The following DUSP16 variants were observed in gnomAD, a reference collection of about 807,000 sequenced individuals.
The protein encoded by DUSP16 is dual specificity protein phosphatase 16.
Under a neutral mutation model 58.3 loss-of-function variants are expected in DUSP16, and 21 were observed. That is an observed-to-expected ratio of 0.36 (90% CI 0.26 to 0.52). DUSP16 has a LOEUF of 0.52. Among genes scored for constraint, DUSP16 ranks in the 20% least tolerant of loss-of-function variants. The probability of loss-of-function intolerance (pLI) is 0.94; values close to 1 mark genes in which losing one functional copy is unlikely to be tolerated. For synonymous variants in DUSP16, 320 were observed against 323.8 expected (o/e 0.99, Z 0.12); for missense variants, 726 against 819.0 (o/e 0.89, Z 1.39).
At chr12:12,529,801 CTTGT>C (rs1388958848) in intron 1 of DUSP16, among the ~76,000 whole-genome samples, 3 of 152,308 alleles carry the variant, frequency 2.0e-5, no homozygotes, top group East Asian at 1.9e-4. Flanking sequence ...CTTCCTGTGT[CTTGT>C]TTATTTCACT....
At chr12:12,516,431 A>G in intron 3 of DUSP16, among the ~76,000 whole-genome samples, 1 of 152,264 alleles carries the variant, frequency 6.6e-6, no homozygotes, top group East Asian at 1.9e-4. Flanking sequence ...TAAAAATACA[A>G]TAATTATTCT....
intron 5 of DUSP16, among the ~76,000 whole-genome samples, chr12:12,481,570 TAA>T (rs959390651): frequency 2.6e-5 from 4 of 152,212 alleles, no homozygotes; most frequent in Non-Finnish European, 5.9e-5. Context: ...GCTATAAATA[TAA>T]GTTTCTAGTG....
chr12:12,507,803 T>C (rs947521635), intron 3 of DUSP16, among the ~76,000 whole-genome samples: 8 of 152,244 alleles, frequency 5.3e-5, no homozygotes, highest in African/African-American at 1.9e-4. Flanking sequence ...AACACGGGGT[T>C]TCTCCATGTT....
At position 12,520,881 on chromosome 12, in the gene DUSP16, G is replaced by A. The variant is rs746432264; in HGVS notation, c.218C>T (p.Ala73Val). 4.3e-6 allele frequency: 7 copies of A among 1,614,008 alleles called. No individual in the cohort carries two copies. The East Asian group carries it at 1.1e-4, about 26-fold the overall frequency. Reference sequence around the variant, plus strand: ...AAGGAAAGCGTTTACCTTATGTTTCGCTGAATGCTGGATGAGCTCTGTAAT... The same window carrying A: ...AAGGAAAGCGTTTACCTTATGTTTCACTGAATGCTGGATGAGCTCTGTAAT... ...VLITELIQHS[A>V]KHKVDIDCSQ... The change falls in exon 2 of 7, where the codon GCG becomes GTG. Residue 73 changes from alanine (A) to valine (V), a missense_variant. Transcript: ENST00000298573.
chr12:12,543,576 CAT>C (rs1944596666), intron 1 of DUSP16, among the ~76,000 whole-genome samples: 2 of 152,014 alleles, frequency 1.3e-5, no homozygotes, highest in African/African-American at 4.8e-5. Context: ...TTCCCTGTAA[CAT>C]GTTTATAACT....
chr12:12,491,852 CTT>C (rs747306061), intron 4 of DUSP16, among the ~76,000 whole-genome samples: 3 of 152,166 alleles, frequency 2.0e-5, no homozygotes, highest in Non-Finnish European at 4.4e-5. Flanking sequence ...CTCAAGATCT[CTT>C]ATACTACACT....
intron 3 of DUSP16, among the ~76,000 whole-genome samples, chr12:12,509,627 C>G (rs1294519031): frequency 6.6e-6 from 1 of 152,156 alleles, no homozygotes; most frequent in Non-Finnish European, 1.5e-5. Flanking sequence ...TGTGACCCGT[C>G]TTACTTCTCC....
chr12:12,527,576 T>G (rs996832974), intron 1 of DUSP16, among the ~76,000 whole-genome samples: 1 of 152,198 alleles, frequency 6.6e-6, no homozygotes, highest in Non-Finnish European at 1.5e-5. Context: ...GTTCTGCACA[T>G]GTACCCCAGA....
chr12:12,489,484 A>G (rs1396313354), intron 4 of DUSP16, among the ~76,000 whole-genome samples: 1 of 152,246 alleles, frequency 6.6e-6, no homozygotes, highest in Non-Finnish European at 1.5e-5. Flanking sequence ...CTTTCTCACC[A>G]ATAGTCCTTT....
chr12:12,487,219 CTAA>C (rs1943698657), intron 4 of DUSP16, 32 bp from the exon 5 acceptor site: 1 of 1,604,104 alleles, frequency 6.2e-7, no homozygotes, highest in African/African-American at 1.3e-5. Flanking sequence ...GTTAAAGTGA[CTAA>C]TAATATAGTA....
At chr12:12,514,738 G>A (rs993428844) in intron 3 of DUSP16, among the ~76,000 whole-genome samples, 26 of 152,174 alleles carry the variant, frequency 1.7e-4, no homozygotes, top group Middle Eastern at 3.4e-3. Context: ...GCACAATCAC[G>A]GCTCGCTGCA....
At chr12:12,483,076 CAAT>C (rs1463950086) in intron 5 of DUSP16, among the ~76,000 whole-genome samples, 2 of 152,022 alleles carry the variant, frequency 1.3e-5, no homozygotes, top group South Asian at 2.1e-4. Flanking sequence ...AACGAGAAGG[CAAT>C]GATGATGAAA....
chr12:12,486,980 CAT>C (rs772589114), intron 5 of DUSP16, 46 bp downstream of exon 5: 50 of 1,604,416 alleles, frequency 3.1e-5, no homozygotes, highest in Non-Finnish European at 4.1e-5. Flanking sequence ...TTCACCTACA[CAT>C]GAGACGATCA....
At chr12:12,518,188 G>A (rs1478969507) in intron 3 of DUSP16, among the ~76,000 whole-genome samples, 15 of 152,182 alleles carry the variant, frequency 9.9e-5, no homozygotes, top group Admixed American at 9.2e-4. Flanking sequence ...TAACCACTCT[G>A]TCACGAAGCA....
At chr12:12,551,334 C>A (rs138473019) in intron 1 of DUSP16, among the ~76,000 whole-genome samples, 1 of 151,920 alleles carries the variant, frequency 6.6e-6, no homozygotes, top group East Asian at 1.9e-4. Context: ...AAACCCCCAT[C>A]TCTACTAAAA....
chr12:12,511,654 T>A (rs940947159), intron 3 of DUSP16, among the ~76,000 whole-genome samples: 3 of 152,276 alleles, frequency 2.0e-5, no homozygotes, highest in African/African-American at 7.2e-5. Flanking sequence ...ATCATACATT[T>A]TAGCAAATGA....
In DUSP16 at chr12:12,474,929, A is replaced by G. The variant is rs745632; in HGVS notation, c.*1904T>C. 10,593 of 152,304 alleles carry G rather than the reference A, an allele frequency of 0.07. 462 individuals carry two copies. The highest frequency in any genetic ancestry group is 0.18 in the East Asian group (949 of 5,176). The allele number at this position is 152,304 out of a possible 1,614,324, so 9.4% of individuals were successfully genotyped here. A position where few individuals can be genotyped will look rare whatever the true frequency, so the allele number is the denominator to read the frequency against. On this transcript the variant is annotated 3_prime_UTR_variant, in exon 7 of 7. Transcript: ENST00000298573. ...TAAAAACTAACTCAAATCGTTGACC[A>G]GCACTTTCCCAGTATCATAACAATG... is the stretch of plus-strand genomic sequence containing the variant.
At chr12:12,497,758 T>A (rs1285932371) in intron 4 of DUSP16, among the ~76,000 whole-genome samples, 1 of 150,972 alleles carries the variant, frequency 6.6e-6, no homozygotes, top group Admixed American at 6.6e-5. Context: ...GATCACGAGG[T>A]CAGGAGATCG....
At chr12:12,503,228 T>G (rs1394231894) in intron 3 of DUSP16, among the ~76,000 whole-genome samples, 1 of 148,110 alleles carries the variant, frequency 6.8e-6, no homozygotes, top group African/African-American at 2.5e-5. Flanking sequence ...TTATTGCTTT[T>G]TTTTTTTTTT....
Sources: allele counts gnomAD v4.1 joint callset (sites outside exome capture counted in the v4.1 genomes callset), GRCh38; gene constraint gnomAD v4.1.1; transcripts MANE v1.5; gene names NCBI Gene and HGNC (gene_info 2026-07-23, HGNC 2026-07-21).